MAF: variants seen among roughly 807,000 people sequenced by gnomAD.
MAF encodes transcription factor Maf.
In MAF, 10 loss-of-function variants were observed where a neutral mutation model predicts 22.0. That is an observed-to-expected ratio of 0.45 (90% CI 0.28 to 0.77). MAF has a LOEUF of 0.77. Ranked by LOEUF, MAF falls within the 30% of genes least tolerant of loss-of-function variation. MAF has a pLI of 0.12. For missense variants in MAF, 544 were observed against 548.4 expected (o/e 0.99, Z 0.08); for synonymous variants, 337 against 255.8 (o/e 1.32, Z -3.03).
the MAF span, among the ~76,000 whole-genome samples, chr16:79,239,425 G>A: frequency 6.6e-6 from 1 of 152,064 alleles, no homozygotes. Flanking sequence ...TGTTGGTGGA[G>A]TTATCTGGGG....
chr16:79,205,749 TG>T, the MAF span: 2 of 152,176 alleles, frequency 1.3e-5, no homozygotes, highest in Non-Finnish European at 2.9e-5. Flanking sequence ...AAGGCCTTTG[TG>T]GGAGTCAGTT....
the MAF span, among the ~76,000 whole-genome samples, chr16:79,349,226 G>C: frequency 6.6e-6 from 1 of 152,220 alleles, no homozygotes; most frequent in Non-Finnish European, 1.5e-5. Context: ...GGGACTCAAA[G>C]TAAGTCACCC....
chr16:79,258,709 C>T, the MAF span, among the ~76,000 whole-genome samples: 1 of 152,198 alleles, frequency 6.6e-6, no homozygotes, highest in Non-Finnish European at 1.5e-5. Context: ...GTCAGTTAGG[C>T]ACCCAGCAAA....
At chr16:79,505,202 C>A in the MAF span, among the ~76,000 whole-genome samples, 1 of 152,074 alleles carries the variant, frequency 6.6e-6, no homozygotes, top group Non-Finnish European at 1.5e-5. Context: ...TTTTGTAAAG[C>A]ATTGACATTT....
At chr16:79,276,164 A>AG in the MAF span, among the ~76,000 whole-genome samples, 28 of 146,528 alleles carry the variant, frequency 1.9e-4, 1 homozygote, top group Middle Eastern at 6.9e-3. Context: ...AAAGAAAGAA[A>AG]GAAAGGAAAG....
chr16:79,525,381 C>T, the MAF span, among the ~76,000 whole-genome samples: 6 of 152,150 alleles, frequency 3.9e-5, no homozygotes, highest in African/African-American at 1.4e-4. Context: ...CACGGCCATG[C>T]GCTCGGAGGG....
chr16:79,597,580 G>A, intron 1 of MAF: 1 of 1,022,674 alleles, frequency 9.8e-7, no homozygotes, highest in Non-Finnish European at 1.2e-6. Context: ...TGCATTGGGA[G>A]GTTGAAGTTC....
At chr16:79,410,177 C>T in the MAF span, among the ~76,000 whole-genome samples, 118 of 152,316 alleles carry the variant, frequency 7.7e-4, no homozygotes, top group African/African-American at 2.7e-3. Context: ...CCAGCCGTTC[C>T]GTACCTCACT....
the MAF span, among the ~76,000 whole-genome samples, chr16:79,312,059 T>C: frequency 6.6e-6 from 1 of 152,170 alleles, no homozygotes; most frequent in Non-Finnish European, 1.5e-5. Flanking sequence ...TTCACTCTGC[T>C]TTCTTCTCTT....
the MAF span, among the ~76,000 whole-genome samples, chr16:79,329,159 C>T: frequency 6.6e-6 from 1 of 151,938 alleles, no homozygotes; most frequent in African/African-American, 2.4e-5. Context: ...GCAAGAAACA[C>T]CAGGGCACAT....
the MAF span, among the ~76,000 whole-genome samples, chr16:79,414,343 T>C: frequency 2.6e-5 from 4 of 152,180 alleles, no homozygotes; most frequent in African/African-American, 9.7e-5. Flanking sequence ...TTGCTCATGG[T>C]AGCAGGCAAG....
chr16:79,396,486 A>T, the MAF span, among the ~76,000 whole-genome samples: 1 of 152,206 alleles, frequency 6.6e-6, no homozygotes, highest in Non-Finnish European at 1.5e-5. Flanking sequence ...TTCTGGAAAA[A>T]GCCTCCTTGA....
the MAF span, among the ~76,000 whole-genome samples, chr16:79,492,891 A>C: frequency 6.6e-6 from 1 of 152,176 alleles, no homozygotes; most frequent in African/African-American, 2.4e-5. Flanking sequence ...TGGGAGGGCT[A>C]TGAAGGGGGT....
chr16:79,211,499 A>C, the MAF span: 1 of 1,421,960 alleles, frequency 7.0e-7, no homozygotes, highest in East Asian at 2.4e-5. Context: ...GATCCAGCTG[A>C]AACTGAACCA....
At chr16:79,262,595 C>G in the MAF span, among the ~76,000 whole-genome samples, 2 of 152,092 alleles carry the variant, frequency 1.3e-5, no homozygotes, top group East Asian at 1.9e-4. Flanking sequence ...GCAATTTGTT[C>G]ACAGCATGGA....
chr16:79,353,118 C>T, the MAF span, among the ~76,000 whole-genome samples: 1 of 145,958 alleles, frequency 6.9e-6, no homozygotes, highest in African/African-American at 2.8e-5. Flanking sequence ...TGCAAACTCA[C>T]CAGGAATTTT....
At chr16:79,323,871 C>T in the MAF span, among the ~76,000 whole-genome samples, 1 of 152,214 alleles carries the variant, frequency 6.6e-6, no homozygotes. Context: ...CATGAACTTA[C>T]AGCTACCGAA....
intron 1 of MAF, chr16:79,596,288 C>G: frequency 2.2e-5 from 23 of 1,059,588 alleles, no homozygotes; most frequent in Non-Finnish European, 2.5e-5. Flanking sequence ...TAATTTACAT[C>G]TATATTAAAT....
At chr16:79,500,845 AC>A in the MAF span, among the ~76,000 whole-genome samples, 1 of 152,200 alleles carries the variant, frequency 6.6e-6, no homozygotes, top group Non-Finnish European at 1.5e-5. Flanking sequence ...ATATAGCTAG[AC>A]CTTCTCAGAG....
Sources: allele counts gnomAD v4.1 joint callset (sites outside exome capture counted in the v4.1 genomes callset), GRCh38; gene constraint gnomAD v4.1.1; transcripts MANE v1.5; gene names NCBI Gene and HGNC (gene_info 2026-07-23, HGNC 2026-07-21).